NOX4: variants seen among roughly 807,000 people sequenced by gnomAD.
NOX4 encodes kidney oxidase-1.
In NOX4, 69 loss-of-function variants were observed where a neutral mutation model predicts 87.6. The ratio of observed to expected loss-of-function variants is 0.79; its 90% CI spans 0.65 to 0.96. The LOEUF (loss-of-function observed/expected upper bound fraction) is 0.96, where lower values mean the gene tolerates loss of function less well. NOX4 is among the 40% of genes least tolerant of loss of function. The pLI is 0.00. For missense variants in NOX4, 680 were observed against 681.5 expected, an observed-to-expected ratio of 1.00 and a Z score of 0.02; for synonymous variants, 275 against 238.2, an observed-to-expected ratio of 1.15 and a Z score of -1.42.
At chr11:89,495,950 T>A (rs1393673706), upstream of NOX4, among the ~76,000 whole-genome samples, 1 of 152,174 alleles carries the variant, frequency 6.6e-6, no homozygotes, top group Non-Finnish European at 1.5e-5. Context: ...GAAAGCTCCA[T>A]CCCAGTATGC....
chr11:89,430,845 A>G (rs553008650), intron 7 of NOX4, among the ~76,000 whole-genome samples: 189 of 152,296 alleles, frequency 1.2e-3, no homozygotes, highest in South Asian at 9.1e-3. Flanking sequence ...ACAGAATTGG[A>G]AAAAACTACT....
At chr11:89,555,669 A>G in the NOX4 span, among the ~76,000 whole-genome samples, 2 of 152,092 alleles carry the variant, frequency 1.3e-5, no homozygotes, top group Non-Finnish European at 2.9e-5. Flanking sequence ...GTAAGGAGCA[A>G]TATGAACAGA....
At chr11:89,503,613 G>A in the NOX4 span, among the ~76,000 whole-genome samples, 7 of 151,474 alleles carry the variant, frequency 4.6e-5, no homozygotes, top group African/African-American at 1.7e-4. Context: ...CAGTGAATTC[G>A]GAGTTGGAAT....
chr11:89,534,231 A>T, the NOX4 span, among the ~76,000 whole-genome samples: 30 of 152,302 alleles, frequency 2.0e-4, no homozygotes, highest in African/African-American at 6.7e-4. Flanking sequence ...GTGCTTCCTG[A>T]TACTTTGAGA....
At chr11:89,390,056 T>A (rs1166053749) in intron 11 of NOX4, among the ~76,000 whole-genome samples, 1 of 152,214 alleles carries the variant, frequency 6.6e-6, no homozygotes, top group East Asian at 1.9e-4. Flanking sequence ...TATGGGAAAT[T>A]GCTTTGTTTT....
chr11:89,444,339 C>T, intron 4 of NOX4, 107 bp from the exon 5 acceptor site: 1 of 798,672 alleles, frequency 1.3e-6, no homozygotes, highest in Non-Finnish European at 2.1e-6. Context: ...ACTTTGACAG[C>T]TATGTGGACA....
At chr11:89,394,751 T>C (rs1332480082) in intron 11 of NOX4, among the ~76,000 whole-genome samples, 1 of 151,462 alleles carries the variant, frequency 6.6e-6, no homozygotes, top group Non-Finnish European at 1.5e-5. Flanking sequence ...GAACATGTGG[T>C]GTTTGCTTCT....
the NOX4 span, among the ~76,000 whole-genome samples, chr11:89,563,767 T>C: frequency 1.3e-3 from 193 of 152,230 alleles, 1 homozygote; most frequent in Non-Finnish European, 2.3e-3. Context: ...CAATTTTGAG[T>C]GTTTGCTATA....
chr11:89,572,409 G>A, the NOX4 span, among the ~76,000 whole-genome samples: 1 of 152,158 alleles, frequency 6.6e-6, no homozygotes, highest in African/African-American at 2.4e-5. Flanking sequence ...GAAACATTCT[G>A]TATGATTTCA....
intron 2 of NOX4, among the ~76,000 whole-genome samples, chr11:89,483,546 A>C (rs1430684021): frequency 3.3e-5 from 5 of 150,466 alleles, no homozygotes; most frequent in Non-Finnish European, 1.5e-5. Context: ...CATCTAAGAA[A>C]GAATGTAACC....
upstream of NOX4, among the ~76,000 whole-genome samples, chr11:89,494,535 T>A (rs1946926960): frequency 6.6e-6 from 1 of 152,232 alleles, no homozygotes; most frequent in South Asian, 2.1e-4. Context: ...TTCTAGGACT[T>A]AGCACATAGC....
the NOX4 span, among the ~76,000 whole-genome samples, chr11:89,571,939 T>C: frequency 6.6e-6 from 1 of 152,222 alleles, no homozygotes; most frequent in Non-Finnish European, 1.5e-5. Flanking sequence ...CTGCATTGTT[T>C]ATGTAAAAAT....
At position 89,438,542 on chromosome 11, in the gene NOX4, A is replaced by AG; in HGVS notation, c.475+2145_475+2146insC. On this transcript the variant is annotated intron_variant, in intron 6 of 17. Transcript: ENST00000263317. ...ATATATACTATATATTACACACTAT[A>AG]TATAATAATATACTATATATAATAT... is the stretch of plus-strand genomic sequence containing the variant. Among the ~76,000 whole-genome samples the AG allele has an allele frequency of 2.3e-4, 21 of 90,602 alleles. 1 individual carries two copies. The highest frequency in any genetic ancestry group is 1.1e-3 in the African/African-American group (21 of 19,926). The allele number at this position is 90,602 out of a possible 152,430, so 59.4% of individuals were successfully genotyped here.
upstream of NOX4, among the ~76,000 whole-genome samples, chr11:89,494,847 T>C (rs1946931134): frequency 6.6e-6 from 1 of 152,236 alleles, no homozygotes; most frequent in Non-Finnish European, 1.5e-5. Flanking sequence ...TGTCATGGGC[T>C]AAAACAACAG....
chr11:89,469,455 A>G (rs1945835867), intron 2 of NOX4, among the ~76,000 whole-genome samples: 1 of 152,194 alleles, frequency 6.6e-6, no homozygotes, highest in Admixed American at 6.5e-5. Flanking sequence ...GATCAATTTT[A>G]TTGACTCTTC....
At chr11:89,565,885 T>C in the NOX4 span, among the ~76,000 whole-genome samples, 1 of 152,160 alleles carries the variant, frequency 6.6e-6, no homozygotes. Context: ...CATTAATTGA[T>C]TTTTCATTAT....
At chr11:89,381,018 G>C (rs116878213) in intron 11 of NOX4, among the ~76,000 whole-genome samples, 6,590 of 152,214 alleles carry the variant, frequency 0.043, 203 homozygotes, top group Non-Finnish European at 0.068. Flanking sequence ...GCAACAAAAT[G>C]TTGCCAGTCT....
upstream of NOX4, among the ~76,000 whole-genome samples, chr11:89,502,725 C>A (rs1161718219): frequency 6.6e-6 from 1 of 151,982 alleles, no homozygotes; most frequent in African/African-American, 2.4e-5. Context: ...TTGAGAAACA[C>A]AGCCATATTA....
At chr11:89,471,536 C>T (rs1036463453) in intron 2 of NOX4, among the ~76,000 whole-genome samples, 15 of 152,144 alleles carry the variant, frequency 9.9e-5, no homozygotes, top group East Asian at 3.9e-4. Flanking sequence ...ATTTATTTTT[C>T]CTATGCCTAT....
Sources: allele counts gnomAD v4.1 joint callset (sites outside exome capture counted in the v4.1 genomes callset), GRCh38; gene constraint gnomAD v4.1.1; transcripts MANE v1.5; gene names NCBI Gene and HGNC (gene_info 2026-07-23, HGNC 2026-07-21).